Variants in MYOM3 observed in about 807,000 individuals in gnomAD.
The protein encoded by MYOM3 is myomesin-3.
MYOM3 carries 155 observed loss-of-function variants against 191.7 expected under a neutral mutation model. The observed-to-expected ratio is 0.81, with a 90% CI of 0.71 to 0.92. The LOEUF (loss-of-function observed/expected upper bound fraction) is 0.92. MYOM3 is among the 40% of genes least tolerant of loss of function. The pLI, the probability that MYOM3 is intolerant of heterozygous loss-of-function variation, is 0.00. For missense variants in MYOM3, 1,889 were observed against 1,890.6 expected, an observed-to-expected ratio of 1.00 and a Z score of 0.02; for synonymous variants, 757 against 762.9, an observed-to-expected ratio of 0.99 and a Z score of 0.13.
intron 4 of MYOM3, 47 bp from the exon 5 acceptor site, chr1:24,106,124 C>G (rs752601946): frequency 1.9e-6 from 3 of 1,541,024 alleles, no homozygotes; most frequent in Non-Finnish European, 2.6e-6. Context: ...GGGACCACCT[C>G]TCTGCCATCT....
chr1:24,108,224 G>A, intron 2 of MYOM3, 151 bp from the exon 3 acceptor site: 1 of 787,602 alleles, frequency 1.3e-6, no homozygotes, highest in Non-Finnish European at 2.0e-6. Flanking sequence ...AAGCAAGGCT[G>A]CATCCCCCCG....
chr1:24,094,045 GCAC>G (rs1643865517), intron 9 of MYOM3, among the ~76,000 whole-genome samples: 2 of 152,096 alleles, frequency 1.3e-5, no homozygotes, highest in Admixed American at 6.6e-5. Flanking sequence ...AACTGTATCT[GCAC>G]CACCACCCTG....
In MYOM3 at chr1:24,081,388, G is replaced by T. The variant is rs573631755; in HGVS notation, c.2349C>A (p.Gly783=). ...ACAGGCTGCTGGGTGCCGACAGCTCGCCAACACCTGCCCAGTTGGCAGCCC... is the reference window on the plus strand; with the variant it reads ...ACAGGCTGCTGGGTGCCGACAGCTCTCCAACACCTGCCCAGTTGGCAGCCC... ...RARAANWAGV[G]ELSAPSSLFE... Residue 783 remains glycine (G), a synonymous_variant, in exon 19 of 37, where the codon GGC becomes GGA. Transcript: ENST00000374434. 1 of 1,614,128 alleles carries T rather than the reference G, an allele frequency of 6.2e-7. No individual in the cohort carries two copies.
chr1:24,097,125 C>T (rs965383046), intron 7 of MYOM3, among the ~76,000 whole-genome samples: 2 of 152,166 alleles, frequency 1.3e-5, no homozygotes, highest in African/African-American at 4.8e-5. Flanking sequence ...GGGGCCCAAG[C>T]CCAGCTGGAA....
At chr1:24,107,913 A>T in intron 3 of MYOM3, 80 bp downstream of exon 3, 2 of 1,261,572 alleles carry the variant, frequency 1.6e-6, no homozygotes, top group Non-Finnish European at 2.3e-6. Flanking sequence ...ACTCGGGGTG[A>T]AAGGCCAGCA....
At chr1:24,071,854 C>A in intron 24 of MYOM3, 115 bp downstream of exon 24, 1 of 1,071,670 alleles carries the variant, frequency 9.3e-7, no homozygotes, top group Non-Finnish European at 1.5e-6. Flanking sequence ...ATTCTCCCAC[C>A]CTCTGTCCCT....
At chr1:24,106,563 A>C (rs1398326296) in intron 4 of MYOM3, among the ~76,000 whole-genome samples, 2 of 152,026 alleles carry the variant, frequency 1.3e-5, no homozygotes. Context: ...TTTTACAATG[A>C]CGTCTATTTT....
At chr1:24,108,336 T>C in intron 2 of MYOM3, 140 bp downstream of exon 2, 2 of 984,382 alleles carry the variant, frequency 2.0e-6, no homozygotes, top group Non-Finnish European at 2.9e-6. Context: ...GTCTCCCCCC[T>C]CAGACAGGGG....
At chr1:24,079,527 C>T (rs1174453967) in intron 20 of MYOM3, among the ~76,000 whole-genome samples, 3 of 152,100 alleles carry the variant, frequency 2.0e-5, no homozygotes, top group Non-Finnish European at 1.5e-5. Flanking sequence ...CTGTCTTGTT[C>T]CTTTAACTGC....
chr1:24,098,696 G>A (rs1378588145), intron 6 of MYOM3, among the ~76,000 whole-genome samples: 1 of 152,318 alleles, frequency 6.6e-6, no homozygotes, highest in African/African-American at 2.4e-5. Context: ...TGCCTGCCCC[G>A]GAGGTCCCCC....
At chr1:24,072,745 G>A (rs1643547872) in intron 23 of MYOM3, among the ~76,000 whole-genome samples, 1 of 152,138 alleles carries the variant, frequency 6.6e-6, no homozygotes, top group African/African-American at 2.4e-5. Flanking sequence ...ATGTTGGCCA[G>A]GCTGGTCTTG....
At chr1:24,068,443 G>A (rs1350493505) in intron 25 of MYOM3, 76 bp from the exon 26 acceptor site, 2 of 1,562,574 alleles carry the variant, frequency 1.3e-6, no homozygotes, top group Non-Finnish European at 1.7e-6. Context: ...GAGTGTAGTG[G>A]GCTTGGGGGT....
intron 1 of MYOM3, among the ~76,000 whole-genome samples, chr1:24,109,863 G>A (rs1370531512): frequency 6.6e-6 from 1 of 152,218 alleles, no homozygotes; most frequent in Non-Finnish European, 1.5e-5. Context: ...TGGGGACACG[G>A]TGGGCCACAG....
chr1:24,071,286 G>A (rs2148546060), intron 24 of MYOM3, 33 bp from the exon 25 acceptor site: 1 of 1,588,920 alleles, frequency 6.3e-7, no homozygotes. Context: ...GGGGTGGGTT[G>A]GACCCCTTCT....
At chr1:24,101,071 CTT>C (rs936109616) in intron 5 of MYOM3, among the ~76,000 whole-genome samples, 2 of 152,114 alleles carry the variant, frequency 1.3e-5, no homozygotes, top group African/African-American at 4.8e-5. Context: ...GGCCATATGA[CTT>C]AGCATTGTCA....
intron 2 of MYOM3, 67 bp from the exon 3 acceptor site, chr1:24,108,140 C>T: frequency 1.4e-6 from 2 of 1,454,088 alleles, no homozygotes; most frequent in Admixed American, 1.8e-5. Context: ...GAGATTAGGG[C>T]TGCATCTGCC....
At chr1:24,099,627 C>T (rs1001624981) in intron 6 of MYOM3, 53 bp downstream of exon 6, 14 of 1,430,746 alleles carry the variant, frequency 9.8e-6, no homozygotes, top group Non-Finnish European at 1.4e-5. Flanking sequence ...CTGCTCTGGC[C>T]TCGGCGGTGG....
rs1420993746 is a variant in MYOM3 at position 24,106,062 on chromosome 1, G to A, written c.418C>T (p.Gln140Ter). The change falls in exon 5 of 37, where the codon CAG becomes TAG. Residue 140 changes from glutamine to a stop codon, truncating the protein, a stop_gained. Coordinates refer to ENST00000374434, the MANE Select transcript of MYOM3 (RefSeq NM_152372.4). LOFTEE classifies it high-confidence loss of function. ...AGCTCCCTCAGCTCCTTGGCCTCCTGGACCTTCTCCTCTGTCTGGAGGCGG... is the reference window on the plus strand; with the variant it reads ...AGCTCCCTCAGCTCCTTGGCCTCCTAGACCTTCTCCTCTGTCTGGAGGCGG... ...TLRRRTEEKV[Q>*]EAKELRELCY... is the part of the protein sequence containing the mutation. 4.3e-6 allele frequency: 7 copies of A among 1,612,146 alleles called. No individual in the cohort carries two copies. Among genetic ancestry groups the A allele is most frequent in the Non-Finnish European group, 5.9e-6 (7 of 1,179,482 alleles).
Position 24,084,625 on chromosome 1 carries a change from G to GA in MYOM3, c.1812dup (p.Pro605SerfsTer40), listed in dbSNP as rs777384069. The GA allele has an allele frequency of 1.9e-4, 307 of 1,612,078 alleles. No individual in the cohort carries two copies. The highest frequency in any genetic ancestry group is 2.3e-4 in the Non-Finnish European group (276 of 1,179,050). ...TCTCTGAAAGCTTGAACTTGAGCTG[G>GA]AGGAGGGAGGGTAGCTAAAAAATAG... On this transcript the variant is annotated frameshift_variant, in exon 16 of 37. Coordinates refer to ENST00000374434, the MANE Select transcript of MYOM3 (RefSeq NM_152372.4). LOFTEE classifies it high-confidence loss of function.
Sources: gnomAD v4.1 joint callset for allele counts (sites outside exome capture counted in the v4.1 genomes callset) on GRCh38, gnomAD v4.1.1 for gene constraint, MANE v1.5 for transcripts, NCBI Gene and HGNC (gene_info 2026-07-23, HGNC 2026-07-21) for gene names.